Variants in IL7 observed in about 807,000 individuals in gnomAD.
The protein encoded by IL7 is interleukin 7.
Under a neutral mutation model 21.6 loss-of-function variants are expected in IL7, and 3 were observed. That is an observed-to-expected ratio of 0.14 (90% confidence interval 0.06 to 0.36). The LOEUF (loss-of-function observed/expected upper bound fraction) is 0.36, where lower values mean the gene tolerates loss of function less well. IL7 is among the 10% of genes least tolerant of loss of function. IL7 has a pLI of 1.00. For missense variants in IL7, 175 were observed against 200.2 expected (o/e 0.87, Z 0.76); for synonymous variants, 62 against 68.1 (o/e 0.91, Z 0.44).
At chr8:78,741,772 A>G (rs187022862) in intron 2 of IL7, among the ~76,000 whole-genome samples, 3 of 152,352 alleles carry the variant, frequency 2.0e-5, no homozygotes, top group African/African-American at 7.2e-5. Context: ...TTATTAATTC[A>G]TCGACCTTAG....
intron 2 of IL7, among the ~76,000 whole-genome samples, chr8:78,781,898 T>C (rs1483951632): frequency 6.6e-6 from 1 of 152,206 alleles, no homozygotes; most frequent in African/African-American, 2.4e-5. Flanking sequence ...CCCATAGTTC[T>C]CACAGGTTCT....
chr8:78,760,848 T>G, intron 2 of IL7: 1 of 1,557,540 alleles, frequency 6.4e-7, no homozygotes, highest in Non-Finnish European at 8.7e-7. Context: ...ACTTCAATAT[T>G]TTCCATCACT....
intron 4 of IL7, among the ~76,000 whole-genome samples, chr8:78,682,910 A>G (rs1809834706): frequency 1.3e-5 from 2 of 152,208 alleles, no homozygotes; most frequent in African/African-American, 4.8e-5. Context: ...GGCCAAAACA[A>G]AGGGGCCACA....
At chr8:78,770,702 TACAC>T (rs1449872544) in intron 2 of IL7, among the ~76,000 whole-genome samples, 1 of 151,674 alleles carries the variant, frequency 6.6e-6, no homozygotes, top group East Asian at 1.9e-4. Flanking sequence ...CACACACACA[TACAC>T]ACGCACACGC....
intron 3 of IL7, among the ~76,000 whole-genome samples, chr8:78,692,592 T>C (rs991111750): frequency 6.6e-6 from 1 of 152,166 alleles, no homozygotes; most frequent in African/African-American, 2.4e-5. Context: ...TAAGGAGGTC[T>C]AAGTGTAGGT....
intron 4 of IL7, among the ~76,000 whole-genome samples, chr8:78,684,190 C>T (rs1809878714): frequency 6.6e-6 from 1 of 152,188 alleles, no homozygotes; most frequent in South Asian, 2.1e-4. Context: ...TACCAACTTA[C>T]TGTATTAGTC....
chr8:78,686,413 A>G, intron 3 of IL7: 16 of 1,260,298 alleles, frequency 1.3e-5, no homozygotes, highest in Non-Finnish European at 1.3e-5. Flanking sequence ...ATTTCAATAT[A>G]CTAAAAAGAT....
chr8:78,768,927 CA>C, intron 2 of IL7, among the ~76,000 whole-genome samples: 1 of 152,070 alleles, frequency 6.6e-6, no homozygotes, highest in African/African-American at 2.4e-5. Context: ...GAACCAAAGA[CA>C]AAAACCACAT....
intron 2 of IL7, among the ~76,000 whole-genome samples, chr8:78,754,699 G>A (rs1344142107): frequency 6.6e-6 from 1 of 152,064 alleles, no homozygotes; most frequent in East Asian, 1.9e-4. Context: ...TTTTGCTGTT[G>A]AGCTGTATGA....
chr8:78,738,405 T>A, intron 4 of IL7, 99 bp downstream of exon 4: 1 of 1,019,776 alleles, frequency 9.8e-7, no homozygotes, highest in South Asian at 1.8e-5. Flanking sequence ...AATAAACACT[T>A]AGGATTCTAT....
downstream of IL7, chr8:78,675,675 A>G (rs1809556479): frequency 2.2e-5 from 22 of 1,005,948 alleles, no homozygotes; most frequent in South Asian, 3.7e-4. Flanking sequence ...GCAGTAAAAC[A>G]TTTTTCACAA....
At chr8:78,804,047 C>G (rs1814195338) in intron 1 of IL7, among the ~76,000 whole-genome samples, 1 of 152,100 alleles carries the variant, frequency 6.6e-6, no homozygotes, top group Admixed American at 6.5e-5. Flanking sequence ...ATCTTTTCCC[C>G]TCACAATCCT....
intron 3 of IL7, among the ~76,000 whole-genome samples, chr8:78,692,890 C>G (rs1810258249): frequency 6.6e-6 from 1 of 152,110 alleles, no homozygotes; most frequent in African/African-American, 2.4e-5. Context: ...ACTCCCCCCA[C>G]CCCACAACAG....
chr8:78,757,657 G>A (rs866185256), intron 2 of IL7, among the ~76,000 whole-genome samples: 7 of 152,032 alleles, frequency 4.6e-5, no homozygotes, highest in Middle Eastern at 6.8e-3. Context: ...TTTATCTCTT[G>A]TTATGTTCTT....
chr8:78,739,479 G>C (rs533495772), intron 3 of IL7, among the ~76,000 whole-genome samples: 2 of 152,140 alleles, frequency 1.3e-5, no homozygotes, highest in African/African-American at 4.8e-5. Flanking sequence ...GGATCATGAG[G>C]TCAGGAGATC....
At chr8:78,718,807 C>A (rs1811180649) in intron 6 of IL7, 1 of 151,644 alleles carries the variant, frequency 6.6e-6, no homozygotes, top group Non-Finnish European at 1.5e-5. Flanking sequence ...TCTATTCAAT[C>A]AAACCTAAGA....
intron 3 of IL7, among the ~76,000 whole-genome samples, chr8:78,707,350 G>A (rs896412303): frequency 2.6e-5 from 4 of 152,148 alleles, no homozygotes; most frequent in Non-Finnish European, 2.9e-5. Context: ...GAAGAGAGGC[G>A]CTGACCTTGG....
At position 78,766,520 on chromosome 8, in the gene IL7, G is replaced by C. The variant is rs1812757837; in HGVS notation, c.148-26438C>G. 2.0e-5 allele frequency among the ~76,000 whole-genome samples: 3 copies of C among 151,890 alleles called. No individual in the cohort carries two copies. The South Asian group carries it at 6.2e-4, about 32-fold the overall frequency. On this transcript the variant is annotated intron_variant, in intron 2 of 5. Coordinates refer to ENST00000263851, the MANE Select transcript of IL7 (RefSeq NM_000880.4). Reference sequence around the variant, plus strand: ...TACACATATATACATGCATATATAGGGTTTTATGAGGGTATTTTCCTTTTT... The same window carrying C: ...TACACATATATACATGCATATATAGCGTTTTATGAGGGTATTTTCCTTTTT...
intron 3 of IL7, among the ~76,000 whole-genome samples, chr8:78,709,634 C>A (rs1014798389): frequency 2.0e-5 from 3 of 151,422 alleles, no homozygotes; most frequent in African/African-American, 7.3e-5. Flanking sequence ...GGTGTTCAAT[C>A]TTTTGGCTTC....
Sources: gnomAD v4.1 joint callset for allele counts (sites outside exome capture counted in the v4.1 genomes callset) on GRCh38, gnomAD v4.1.1 for gene constraint, MANE v1.5 for transcripts, NCBI Gene and HGNC (gene_info 2026-07-23, HGNC 2026-07-21) for gene names.